The following CCDC138 variants were observed in gnomAD, a reference collection of about 807,000 sequenced individuals.
CCDC138 encodes the protein coiled-coil domain containing 138.
In CCDC138, 66 loss-of-function variants were observed where a neutral mutation model predicts 82.3. The observed-to-expected ratio is 0.80, with a 90% CI of 0.66 to 0.98. The LOEUF (loss-of-function observed/expected upper bound fraction) is 0.98. CCDC138 is among the 50% of genes least tolerant of loss of function. The probability of loss-of-function intolerance (pLI) is 0.00; values close to 1 mark genes in which losing one functional copy is unlikely to be tolerated. For missense variants in CCDC138, 816 were observed against 758.9 expected, an observed-to-expected ratio of 1.08 and a Z score of -0.88; for synonymous variants, 297 against 265.4, an observed-to-expected ratio of 1.12 and a Z score of -1.16.
intron 10 of CCDC138, among the ~76,000 whole-genome samples, chr2:108,829,922 A>G (rs942903070): frequency 2.0e-5 from 3 of 152,204 alleles, no homozygotes; most frequent in African/African-American, 4.8e-5. Flanking sequence ...ACTTCTGGAT[A>G]TATATTCAAA....
rs548190655 is a variant in CCDC138, at chr2:108,798,643, C to G, written c.735+57C>G. The G allele has an allele frequency of 2.2e-3, 2,912 of 1,350,698 alleles. 4 individuals are homozygous for G. The highest frequency in any genetic ancestry group is 2.9e-3 in the Non-Finnish European group (2,783 of 974,176). The allele number at this position is 1,350,698 out of a possible 1,614,324, so 83.7% of individuals were successfully genotyped here. On this transcript the variant is annotated intron_variant, in intron 6 of 14. Coordinates refer to ENST00000295124, the MANE Select transcript of CCDC138 (RefSeq NM_144978.3). Reference sequence around the variant, plus strand: ...ATATTTCTTCTTTTCTTCTTAGATTCACTAGTTACTAACATTTTGTCACAT... The same window carrying G: ...ATATTTCTTCTTTTCTTCTTAGATTGACTAGTTACTAACATTTTGTCACAT...
At position 108,786,834 on chromosome 2, in the gene CCDC138, G is replaced by A. The variant is rs1306953415; in HGVS notation, c.12G>A (p.Arg4=). 1 of 1,592,114 alleles carries A rather than the reference G, an allele frequency of 6.3e-7. No homozygotes were observed. Among genetic ancestry groups the A allele is most frequent in the Non-Finnish European group, 8.5e-7 (1 of 1,170,778 alleles). Residue 4 remains arginine (R), a synonymous_variant, in exon 1 of 15, where the codon AGG becomes AGA. Transcript: ENST00000295124. MEP[R]VVKPPGQDLV... is the part of the protein sequence containing the mutation. ...GGTTGCTGTGTGCTATGGAGCCGAG[G>A]GTCGTCAAGCCACCGGGGCAGGATT...
upstream of CCDC138, chr2:108,786,766 GC>G (rs1558952058): frequency 6.7e-7 from 1 of 1,486,102 alleles, no homozygotes; most frequent in East Asian, 2.4e-5. Flanking sequence ...CGGCCGCGTA[GC>G]GCCGCGGGTT....
Position 108,786,923 on chromosome 2 carries a change from C to G in CCDC138, c.93+8C>G. 1.3e-6 allele frequency: 2 copies of G among 1,514,998 alleles called. No individual in the cohort carries two copies. Among genetic ancestry groups the G allele is most frequent in the Non-Finnish European group, 1.8e-6 (2 of 1,132,176 alleles). 93.8% of individuals were successfully genotyped at this position (1,514,998 alleles called of 1,614,324 possible). On this transcript the variant is annotated splice_region_variant and intron_variant, in intron 1 of 14. Transcript: ENST00000295124. ...GGCAGCTGCCCCGACGAGGTGAAGC[C>G]GCCGCCTGAGGTCCGCGGGTGGGCT...
rs547297979 is a variant in CCDC138, at chr2:108,869,806, G to A, written c.1694-3645G>A. Among the ~76,000 whole-genome samples, 45 of 152,282 alleles carry A rather than the reference G, an allele frequency of 3.0e-4. 1 individual carries two copies. The highest frequency in any genetic ancestry group is 9.9e-4 in the African/African-American group (41 of 41,566). On this transcript the variant is annotated intron_variant, in intron 13 of 14. Coordinates refer to ENST00000295124, the MANE Select transcript of CCDC138 (RefSeq NM_144978.3). ...CCAAGGCTCAGGTGCTTGATAAGTA[G>A]TGAAGGCCTTTCATGTCAGTCTTCA... is the stretch of plus-strand genomic sequence containing the variant.
intron 13 of CCDC138, among the ~76,000 whole-genome samples, chr2:108,861,840 A>T (rs1488171205): frequency 6.6e-6 from 1 of 151,998 alleles, no homozygotes; most frequent in Non-Finnish European, 1.5e-5. Context: ...CCCAGCCTAA[A>T]CTTTCTTCTT....
At chr2:108,873,428 A>C (rs755759978) in intron 13 of CCDC138, 23 bp from the exon 14 acceptor site, 1 of 1,555,362 alleles carries the variant, frequency 6.4e-7, no homozygotes, top group South Asian at 1.3e-5. Flanking sequence ...CTAATAGTAA[A>C]GCACTGTTGA....
chr2:108,791,853 G>C (rs753043066), intron 4 of CCDC138, 51 bp downstream of exon 4: 17 of 1,505,258 alleles, frequency 1.1e-5, no homozygotes, highest in Non-Finnish European at 1.5e-5. Flanking sequence ...TTGTCAAGTA[G>C]AGTAAATGAA....
chr2:108,817,508 G>T (rs1288885475), intron 10 of CCDC138, among the ~76,000 whole-genome samples: 1 of 152,008 alleles, frequency 6.6e-6, no homozygotes, highest in Non-Finnish European at 1.5e-5. Flanking sequence ...GGCCAGGATA[G>T]TCTTGATCTC....
chr2:108,828,770 A>C (rs1239499912), intron 10 of CCDC138, among the ~76,000 whole-genome samples: 5 of 152,170 alleles, frequency 3.3e-5, no homozygotes, highest in Non-Finnish European at 1.5e-5. Flanking sequence ...CCAGGTCAGG[A>C]GTTCGAGACC....
At chr2:108,837,862 T>C (rs1194683140) in intron 10 of CCDC138, among the ~76,000 whole-genome samples, 1 of 152,198 alleles carries the variant, frequency 6.6e-6, no homozygotes, top group East Asian at 1.9e-4. Flanking sequence ...GCTAGTAAAT[T>C]TTATTCCATA....
At chr2:108,821,868 C>A (rs1226940562) in intron 10 of CCDC138, among the ~76,000 whole-genome samples, 1 of 150,616 alleles carries the variant, frequency 6.6e-6, no homozygotes, top group African/African-American at 2.4e-5. Context: ...TTGCTTGAAC[C>A]CAGGAGGTGA....
At chr2:108,865,471 T>C (rs1297326146) in intron 13 of CCDC138, among the ~76,000 whole-genome samples, 1 of 152,218 alleles carries the variant, frequency 6.6e-6, no homozygotes, top group African/African-American at 2.4e-5. Context: ...TCCTTGACAT[T>C]CTCTGTTGAT....
chr2:108,797,585 T>A (rs1288765417), intron 5 of CCDC138, among the ~76,000 whole-genome samples: 1 of 151,852 alleles, frequency 6.6e-6, no homozygotes, highest in East Asian at 1.9e-4. Context: ...GTGGGAGAGA[T>A]TCAAAATAAT....
chr2:108,787,711 G>GT (rs201977919), intron 1 of CCDC138, among the ~76,000 whole-genome samples: 234 of 147,790 alleles, frequency 1.6e-3, no homozygotes, highest in Admixed American at 5.1e-3. Flanking sequence ...CTGTAAGGTT[G>GT]TTTTTTTTTT....
intron 3 of CCDC138, 76 bp downstream of exon 3, chr2:108,789,042 A>G (rs904840064): frequency 6.6e-7 from 1 of 1,521,256 alleles, no homozygotes; most frequent in African/African-American, 1.4e-5. Context: ...AGGGCAGGTT[A>G]TATTTTTGCT....
chr2:108,786,840 CA>C lies in CCDC138; in HGVS notation c.20del (p.Lys7SerfsTer7). 1 of 1,592,508 alleles carries C rather than the reference CA, an allele frequency of 6.3e-7. No homozygotes were observed. The highest frequency in any genetic ancestry group is 1.1e-5 in the South Asian group (1 of 87,456). MEPRVV[K>X]PPGQDLVVES... Reference sequence around the variant, plus strand: ...TGTGTGCTATGGAGCCGAGGGTCGTCAAGCCACCGGGGCAGGATTTAGTAGT... The same window carrying C: ...TGTGTGCTATGGAGCCGAGGGTCGTCAGCCACCGGGGCAGGATTTAGTAGT... On this transcript the variant is annotated frameshift_variant, in exon 1 of 15. Coordinates refer to ENST00000295124, the MANE Select transcript of CCDC138 (RefSeq NM_144978.3). LOFTEE classifies it high-confidence loss of function.
rs142949310 is a variant in CCDC138, at chr2:108,825,058, A to G, written c.1206+8953A>G. On this transcript the variant is annotated intron_variant, in intron 10 of 14. Coordinates refer to ENST00000295124, the MANE Select transcript of CCDC138 (RefSeq NM_144978.3). ...GAATTACCTGTAAAGTATTCCTGCC[A>G]GAAAACAAGTTACATAGCAACACAA... is the stretch of plus-strand genomic sequence containing the variant. Among the ~76,000 whole-genome samples, 433 of 152,360 alleles carry G rather than the reference A, an allele frequency of 2.8e-3. 3 individuals carry two copies. In the Middle Eastern group the frequency reaches 0.054, roughly 19 times the overall value.
chr2:108,878,120 G>A (rs1696159236), downstream of CCDC138, among the ~76,000 whole-genome samples: 1 of 152,126 alleles, frequency 6.6e-6, no homozygotes, highest in African/African-American at 2.4e-5. Context: ...AAAGAAAACA[G>A]TTTATTAAAT....
Sources: allele counts gnomAD v4.1 joint callset (sites outside exome capture counted in the v4.1 genomes callset), GRCh38; gene constraint gnomAD v4.1.1; transcripts MANE v1.5; gene names NCBI Gene and HGNC (gene_info 2026-07-23, HGNC 2026-07-21).